Variants in DPP6 observed in about 807,000 individuals in gnomAD.
DPP6 encodes the protein A-type potassium channel modulatory protein DPP6.
Under a neutral mutation model 122.6 loss-of-function variants are expected in DPP6, and 69 were observed. That is an observed-to-expected ratio of 0.56 (90% CI 0.46 to 0.69). The LOEUF is 0.69. DPP6 is among the 30% of genes least tolerant of loss of function. DPP6 has a pLI of 0.00. For synonymous variants in DPP6, 418 were observed against 433.1 expected, an observed-to-expected ratio of 0.97 and a Z score of 0.43; for missense variants, 928 against 1,116.9, an observed-to-expected ratio of 0.83 and a Z score of 2.41.
intron 1 of DPP6, among the ~76,000 whole-genome samples, chr7:154,146,580 T>C (rs1019469019): frequency 4.1e-4 from 63 of 152,378 alleles, no homozygotes; most frequent in Admixed American, 1.0e-3. Context: ...CCTGCAGGCT[T>C]GTGAAATACA....
At chr7:154,696,112 T>C (rs1441879609) in intron 7 of DPP6, among the ~76,000 whole-genome samples, 1 of 152,136 alleles carries the variant, frequency 6.6e-6, no homozygotes, top group Non-Finnish European at 1.5e-5. Context: ...ACAAAACTCA[T>C]GCGATCCTCA....
At chr7:153,939,907 G>T (rs1355246225) in intron 1 of DPP6, among the ~76,000 whole-genome samples, 1 of 152,218 alleles carries the variant, frequency 6.6e-6, no homozygotes, top group Non-Finnish European at 1.5e-5. Context: ...CATACAGCAT[G>T]AAGTTTTCTC....
chr7:154,424,388 A>G (rs1399231681), intron 1 of DPP6, among the ~76,000 whole-genome samples: 1 of 152,220 alleles, frequency 6.6e-6, no homozygotes, highest in Non-Finnish European at 1.5e-5. Context: ...CTGCAGGGCT[A>G]ATTCCTTCTG....
intron 1 of DPP6, among the ~76,000 whole-genome samples, chr7:154,060,677 T>G (rs1160717807): frequency 6.2e-5 from 8 of 130,018 alleles, no homozygotes; most frequent in Admixed American, 2.4e-4. Flanking sequence ...CTGAGAGCTA[T>G]CCCCTCTTCC....
intron 1 of DPP6, among the ~76,000 whole-genome samples, chr7:153,955,216 G>A (rs1802405589): frequency 6.6e-6 from 1 of 152,140 alleles, no homozygotes; most frequent in Non-Finnish European, 1.5e-5. Flanking sequence ...GAAAGTCCTA[G>A]TAGGTTTTTA....
intron 1 of DPP6, among the ~76,000 whole-genome samples, chr7:154,356,087 G>A (rs1811247969): frequency 6.6e-6 from 1 of 152,092 alleles, no homozygotes. Flanking sequence ...GAGGGTTGGT[G>A]AGGCTAATAT....
chr7:154,011,114 TG>T (rs1798134919), intron 1 of DPP6, among the ~76,000 whole-genome samples: 1 of 152,166 alleles, frequency 6.6e-6, no homozygotes, highest in East Asian at 1.9e-4. Flanking sequence ...TCATCTGCCC[TG>T]GGCCACAAAT....
chr7:154,431,852 C>T (rs1245471114), intron 1 of DPP6, among the ~76,000 whole-genome samples: 2 of 152,100 alleles, frequency 1.3e-5, no homozygotes, highest in Non-Finnish European at 2.9e-5. Flanking sequence ...CCCTTTCTTA[C>T]CCGACTTCCT....
intron 1 of DPP6, among the ~76,000 whole-genome samples, chr7:154,321,311 C>T (rs1346431384): frequency 2.6e-5 from 4 of 151,514 alleles, no homozygotes; most frequent in Non-Finnish European, 5.9e-5. Context: ...TATAATTTTA[C>T]AAAACCTGCT....
chr7:154,320,341 A>C (rs1807835303), intron 1 of DPP6, among the ~76,000 whole-genome samples: 1 of 152,106 alleles, frequency 6.6e-6, no homozygotes, highest in African/African-American at 2.4e-5. Flanking sequence ...TCCATTCCGT[A>C]CTTGGTTTTC....
At chr7:154,611,825 T>A (rs998383206) in intron 5 of DPP6, among the ~76,000 whole-genome samples, 7 of 149,886 alleles carry the variant, frequency 4.7e-5, no homozygotes, top group African/African-American at 1.7e-4. Context: ...CAACTAATCT[T>A]ATTTAGATTT....
chr7:153,768,939 A>T, the DPP6 span, among the ~76,000 whole-genome samples: 1 of 152,350 alleles, frequency 6.6e-6, no homozygotes, highest in East Asian at 1.9e-4. Context: ...GTAAATAGTG[A>T]AAAGGAAGTA....
chr7:154,263,339 A>G lies in DPP6; in HGVS notation c.244-182875A>G, dbSNP rs542403908. On this transcript the variant is annotated intron_variant, in intron 1 of 25. Transcript: ENST00000377770. ...GGACAAATTCTTCACTTTTAAGATC[A>G]AGATTAGGGAGCTGATTAGAACAGG... 2.0e-5 allele frequency among the ~76,000 whole-genome samples: 3 copies of G among 152,376 alleles called. No individual in the cohort carries two copies. In the South Asian group the frequency reaches 6.2e-4, roughly 32 times the overall value.
At chr7:153,843,081 CACACACACGAGTGCAT>C in the DPP6 span, among the ~76,000 whole-genome samples, 32 of 119,548 alleles carry the variant, frequency 2.7e-4, no homozygotes, top group African/African-American at 5.1e-4. Flanking sequence ...CACACGTGCG[CACACACACGAGTGCAT>C]ACACACACGA....
chr7:154,650,497 T>C (rs184153112), intron 6 of DPP6, among the ~76,000 whole-genome samples: 8 of 152,284 alleles, frequency 5.3e-5, no homozygotes, highest in African/African-American at 1.4e-4. Context: ...ACTTCCGACA[T>C]TGGGGTCCTG....
chr7:154,078,946 CA>C (rs67950621), intron 1 of DPP6, among the ~76,000 whole-genome samples: 4,766 of 112,364 alleles, frequency 0.042, 86 homozygotes, highest in African/African-American at 0.11. Flanking sequence ...CATTCTTTTC[CA>C]AAAAAAAAAA....
intron 1 of DPP6, among the ~76,000 whole-genome samples, chr7:153,904,559 C>T (rs373249271): frequency 6.6e-6 from 1 of 152,188 alleles, no homozygotes; most frequent in Non-Finnish European, 1.5e-5. Context: ...CTCACTTACC[C>T]TAATCATTTC....
the DPP6 span, among the ~76,000 whole-genome samples, chr7:153,758,369 A>T: frequency 6.6e-6 from 1 of 152,260 alleles, no homozygotes; most frequent in African/African-American, 2.4e-5. Flanking sequence ...ATTGAGGTAT[A>T]GTTGACTGTG....
intron 1 of DPP6, among the ~76,000 whole-genome samples, chr7:153,974,283 G>A (rs974614619): frequency 1.6e-4 from 24 of 152,206 alleles, no homozygotes; most frequent in African/African-American, 4.8e-4. Flanking sequence ...GCAGATGCCC[G>A]GCAAGCATGC....
Sources: gnomAD v4.1 joint callset for allele counts (sites outside exome capture counted in the v4.1 genomes callset) on GRCh38, gnomAD v4.1.1 for gene constraint, MANE v1.5 for transcripts, NCBI Gene and HGNC (gene_info 2026-07-23, HGNC 2026-07-21) for gene names.